RFX3: variants seen among roughly 807,000 people sequenced by gnomAD.
The protein encoded by RFX3 is regulatory factor X3.
A neutral mutation model predicts 98.6 loss-of-function variants in RFX3; 14 were observed. The observed-to-expected ratio is 0.14, with a 90% CI of 0.09 to 0.22. RFX3 has a LOEUF of 0.22. Ranked by LOEUF, RFX3 falls within the 10% of genes least tolerant of loss-of-function variation. The pLI, the probability that RFX3 is intolerant of heterozygous loss-of-function variation, is 1.00. For synonymous variants in RFX3, 383 were observed against 328.4 expected (o/e 1.17, Z -1.80); for missense variants, 639 against 926.9 (o/e 0.69, Z 4.03).
intron 2 of RFX3, among the ~76,000 whole-genome samples, chr9:3,392,310 T>G (rs965820998): frequency 3.3e-5 from 5 of 149,904 alleles, no homozygotes; most frequent in Non-Finnish European, 7.4e-5. Context: ...AGAAACAGAC[T>G]ATGTAAAGAG....
intron 3 of RFX3, among the ~76,000 whole-genome samples, chr9:3,332,962 C>A (rs1405555433): frequency 6.6e-6 from 1 of 152,134 alleles, no homozygotes; most frequent in Admixed American, 6.5e-5. Context: ...CCACTCCTCA[C>A]AGGACTGTTA....
At chr9:3,332,335 C>T (rs750445839) in intron 3 of RFX3, among the ~76,000 whole-genome samples, 23 of 152,072 alleles carry the variant, frequency 1.5e-4, no homozygotes, top group Non-Finnish European at 3.1e-4. Context: ...ATACACATAG[C>T]GTGAAGGTAA....
chr9:3,270,567 G>A lies in RFX3; in HGVS notation c.1203-42C>T, dbSNP rs994371452. On this transcript the variant is annotated intron_variant, in intron 10 of 16. Coordinates refer to ENST00000617270, the MANE Select transcript of RFX3 (RefSeq NM_001282116.2). ...TAGCAAATGAATAGATGGCAAATGA[G>A]GATAAAAAAGAAAATGGACTTTAAA... 5 of 1,574,148 alleles carry A rather than the reference G, an allele frequency of 3.2e-6. No homozygotes were observed. The Admixed American group carries it at 5.4e-5, about 17-fold the overall frequency.
At chr9:3,373,399 C>T (rs1337488889) in intron 2 of RFX3, among the ~76,000 whole-genome samples, 2 of 152,292 alleles carry the variant, frequency 1.3e-5, no homozygotes, top group East Asian at 1.9e-4. Flanking sequence ...CTAATTCACA[C>T]TCCCACCCAG....
intron 7 of RFX3, among the ~76,000 whole-genome samples, chr9:3,285,674 C>T (rs1399434148): frequency 6.6e-6 from 1 of 151,640 alleles, no homozygotes; most frequent in Non-Finnish European, 1.5e-5. Context: ...TAATCCTAAA[C>T]TTGTATCATT....
intron 1 of RFX3, among the ~76,000 whole-genome samples, chr9:3,409,696 A>T (rs13298219): frequency 0.14 from 20,856 of 151,288 alleles, 2,085 homozygotes; most frequent in African/African-American, 0.28. Flanking sequence ...AACTGATTTT[A>T]AAAAAACTAT....
chr9:3,256,233 G>C (rs1186961907), intron 14 of RFX3, among the ~76,000 whole-genome samples: 2 of 151,966 alleles, frequency 1.3e-5, no homozygotes, highest in African/African-American at 4.8e-5. Flanking sequence ...GCCTCCCAAA[G>C]TGCTGGGATT....
chr9:3,375,731 C>T (rs147862517), intron 2 of RFX3, among the ~76,000 whole-genome samples: 14 of 152,220 alleles, frequency 9.2e-5, no homozygotes, highest in South Asian at 2.1e-4. Context: ...GAGGCCAAGG[C>T]GGGTGGATCA....
At chr9:3,415,542 G>A (rs1842912100) in intron 1 of RFX3, among the ~76,000 whole-genome samples, 1 of 152,048 alleles carries the variant, frequency 6.6e-6, no homozygotes, top group African/African-American at 2.4e-5. Context: ...GTTAGATGCT[G>A]GGAAAGATCC....
chr9:3,436,951 T>TAAA (rs35142574), intron 1 of RFX3, among the ~76,000 whole-genome samples: 1,536 of 151,848 alleles, frequency 0.01, 5 homozygotes, highest in Middle Eastern at 0.031. Context: ...TTAATTTTTT[T>TAAA]AAAAAAAATT....
At chr9:3,277,521 A>C in intron 7 of RFX3, 60 bp from the exon 8 acceptor site, 1 of 1,441,296 alleles carries the variant, frequency 6.9e-7, no homozygotes, top group Non-Finnish European at 9.7e-7. Flanking sequence ...TTTTTGTACT[A>C]CCCGAAACTC....
chr9:3,235,668 G>A (rs1819050730), intron 15 of RFX3, among the ~76,000 whole-genome samples: 1 of 151,926 alleles, frequency 6.6e-6, no homozygotes, highest in Non-Finnish European at 1.5e-5. Context: ...TTGGTTTCTG[G>A]CCTCCTTCCA....
intron 2 of RFX3, among the ~76,000 whole-genome samples, chr9:3,371,273 G>C (rs1015911825): frequency 2.0e-5 from 3 of 152,108 alleles, no homozygotes; most frequent in Non-Finnish European, 4.4e-5. Context: ...TTAAGATAAA[G>C]CAAAATGAAT....
intron 1 of RFX3, among the ~76,000 whole-genome samples, chr9:3,524,090 G>C (rs941917902): frequency 5.3e-5 from 8 of 152,062 alleles, no homozygotes; most frequent in African/African-American, 1.7e-4. Flanking sequence ...TTAGAAAGAA[G>C]ACTATTTGAA....
chr9:3,399,065 G>A (rs558021467), intron 1 of RFX3, among the ~76,000 whole-genome samples: 57 of 151,754 alleles, frequency 3.8e-4, no homozygotes, highest in African/African-American at 1.3e-3. Flanking sequence ...CTCCCCACTC[G>A]GGTTTTGTTT....
chr9:3,321,847 A>C (rs1831356411), intron 4 of RFX3, among the ~76,000 whole-genome samples: 1 of 152,110 alleles, frequency 6.6e-6, no homozygotes, highest in Admixed American at 6.5e-5. Context: ...TTCTTTTATA[A>C]ATATATAAAT....
At chr9:3,274,105 T>C (rs1374312140) in intron 9 of RFX3, among the ~76,000 whole-genome samples, 1 of 152,196 alleles carries the variant, frequency 6.6e-6, no homozygotes, top group Non-Finnish European at 1.5e-5. Flanking sequence ...TTCCAAGGAA[T>C]GTTGGGAACT....
chr9:3,519,738 G>A (rs1488541737), intron 1 of RFX3, among the ~76,000 whole-genome samples: 2 of 152,094 alleles, frequency 1.3e-5, no homozygotes, highest in South Asian at 2.1e-4. Flanking sequence ...TCTATTTAAA[G>A]AACAAAACCT....
At chr9:3,226,998 A>G (rs901395765) in intron 16 of RFX3, among the ~76,000 whole-genome samples, 4 of 152,162 alleles carry the variant, frequency 2.6e-5, no homozygotes, top group Non-Finnish European at 5.9e-5. Flanking sequence ...CTAGGATTTC[A>G]CATTCAGTCT....
Sources: allele counts gnomAD v4.1 joint callset (sites outside exome capture counted in the v4.1 genomes callset), GRCh38; gene constraint gnomAD v4.1.1; transcripts MANE v1.5; gene names NCBI Gene and HGNC (gene_info 2026-07-23, HGNC 2026-07-21).